EML5: variants seen among roughly 807,000 people sequenced by gnomAD.
EML5 encodes echinoderm microtubule-associated protein-like 5.
In EML5, 120 loss-of-function variants were observed where a neutral mutation model predicts 250.0. The ratio of observed to expected loss-of-function variants is 0.48; its 90% CI spans 0.41 to 0.56. EML5 has a LOEUF of 0.56. EML5 is among the 20% of genes least tolerant of loss of function. The probability of loss-of-function intolerance (pLI) is 0.00; values close to 1 mark genes in which losing one functional copy is unlikely to be tolerated. For missense variants in EML5, 2,006 were observed against 2,437.6 expected, an observed-to-expected ratio of 0.82 and a Z score of 3.73; for synonymous variants, 771 against 806.5, an observed-to-expected ratio of 0.96 and a Z score of 0.75.
chr14:88,783,887 C>T (rs2094523694), intron 1 of EML5, among the ~76,000 whole-genome samples: 1 of 152,190 alleles, frequency 6.6e-6, no homozygotes, highest in Non-Finnish European at 1.5e-5. Context: ...ATGGATTATT[C>T]TCAAGGATAG....
intron 21 of EML5, among the ~76,000 whole-genome samples, chr14:88,677,101 C>T (rs1156387540): frequency 6.6e-6 from 1 of 152,042 alleles, no homozygotes; most frequent in Non-Finnish European, 1.5e-5. Flanking sequence ...TACAGGGTCT[C>T]ACCATATTGG....
chr14:88,677,619 T>A (rs1344895052), intron 21 of EML5, among the ~76,000 whole-genome samples: 1 of 152,058 alleles, frequency 6.6e-6, no homozygotes, highest in Non-Finnish European at 1.5e-5. Context: ...AATAACCCCA[T>A]TAAAAGGTGG....
At position 88,646,888 on chromosome 14, in the gene EML5, T is replaced by G. The variant is rs971092435; in HGVS notation, c.4028+59A>C. On this transcript the variant is annotated intron_variant, in intron 29 of 43. Coordinates refer to ENST00000554922, the MANE Select transcript of EML5 (RefSeq NM_183387.3). ...GTAACAGTATCCCATTAATGCTAAA[T>G]ATGGAAGATGACAAAAATACAAAGT... 6 of 1,553,456 alleles carry G rather than the reference T, an allele frequency of 3.9e-6. No homozygotes were observed. The African/African-American group carries it at 6.8e-5, about 18-fold the overall frequency.
chr14:88,634,007 G>C (rs145938011), intron 33 of EML5, among the ~76,000 whole-genome samples: 1 of 152,264 alleles, frequency 6.6e-6, no homozygotes, highest in African/African-American at 2.4e-5. Flanking sequence ...TTTTTATAGA[G>C]TAACAAGATA....
In EML5 at chr14:88,784,276, A is replaced by G. The variant is rs546003110; in HGVS notation, c.197+8031T>C. ...AGAGCAAACCAAATCCAAAATTAGT[A>G]GAAAGAAATAAGATCAGGGCAGAAA... On this transcript the variant is annotated intron_variant, in intron 1 of 43. Coordinates refer to ENST00000554922, the MANE Select transcript of EML5 (RefSeq NM_183387.3). 2.1e-4 allele frequency among the ~76,000 whole-genome samples: 32 copies of G among 152,300 alleles called. No homozygotes were observed. In the South Asian group the frequency reaches 6.6e-3, roughly 32 times the overall value.
At chr14:88,642,662 G>A (rs2091130200) in intron 31 of EML5, among the ~76,000 whole-genome samples, 1 of 152,098 alleles carries the variant, frequency 6.6e-6, no homozygotes, top group African/African-American at 2.4e-5. Flanking sequence ...AGAGACTTAT[G>A]AGCACTTTGC....
At chr14:88,682,394 T>A (rs1173168165) in intron 20 of EML5, among the ~76,000 whole-genome samples, 1 of 147,918 alleles carries the variant, frequency 6.8e-6, no homozygotes, top group African/African-American at 2.6e-5. Context: ...CCAGTGAAAC[T>A]AGTAAAAATC....
chr14:88,748,892 A>T (rs2094048163), intron 2 of EML5, among the ~76,000 whole-genome samples: 1 of 152,046 alleles, frequency 6.6e-6, no homozygotes, highest in Non-Finnish European at 1.5e-5. Flanking sequence ...GTACAGAAAG[A>T]AAAAGAAAAA....
chr14:88,639,240 A>G (rs2140576564), intron 31 of EML5, among the ~76,000 whole-genome samples: 1 of 152,368 alleles, frequency 6.6e-6, no homozygotes, highest in Middle Eastern at 3.4e-3. Context: ...GATAGATTTT[A>G]CAAATGTAAA....
At chr14:88,771,239 C>T (rs1205918766) in intron 1 of EML5, among the ~76,000 whole-genome samples, 1 of 152,190 alleles carries the variant, frequency 6.6e-6, no homozygotes, top group Non-Finnish European at 1.5e-5. Context: ...AGCACAGTTC[C>T]CCCCTATCAA....
chr14:88,784,896 G>A (rs1468211549), intron 1 of EML5, among the ~76,000 whole-genome samples: 1 of 152,176 alleles, frequency 6.6e-6, no homozygotes, highest in Non-Finnish European at 1.5e-5. Flanking sequence ...ACACTCCAAT[G>A]TTTGTTGCAG....
intron 27 of EML5, among the ~76,000 whole-genome samples, chr14:88,652,505 ATC>A (rs1476263842): frequency 6.6e-5 from 10 of 152,244 alleles, no homozygotes; most frequent in African/African-American, 2.4e-4. Context: ...AGTCATTTCT[ATC>A]TCTCTGAGTT....
Position 88,616,839 on chromosome 14 carries a change from C to A in EML5, c.5683G>T (p.Ala1895Ser). The A allele has an allele frequency of 6.2e-7, 1 of 1,613,930 alleles. No individual in the cohort carries two copies. Among genetic ancestry groups the A allele is most frequent in the Non-Finnish European group, 8.5e-7 (1 of 1,179,850 alleles). ...GCACAGTTGACATCAGCTTTCTCAG[C>A]ATGTCTGGACCAGATTCCCAAAACC... ...DEVLGIWSRH[A>S]EKADVNCACV... Residue 1895 changes from alanine (A) to serine (S), a missense_variant, in exon 42 of 44, where the codon GCT (alanine) becomes TCT (serine). By Grantham distance (99) the Ala-to-Ser change is moderately conservative. Coordinates refer to ENST00000554922, the MANE Select transcript of EML5 (RefSeq NM_183387.3).
chr14:88,787,441 T>A (rs749999383), intron 1 of EML5, among the ~76,000 whole-genome samples: 7 of 152,150 alleles, frequency 4.6e-5, no homozygotes, highest in Non-Finnish European at 5.9e-5. Flanking sequence ...TTAATGTATA[T>A]CCAAAACATG....
At chr14:88,697,652 G>C (rs1294392276) in intron 14 of EML5, among the ~76,000 whole-genome samples, 1 of 152,144 alleles carries the variant, frequency 6.6e-6, no homozygotes, top group Non-Finnish European at 1.5e-5. Context: ...AGCATAAAGA[G>C]ATATAATATC....
At chr14:88,666,581 T>C (rs2092313354) in intron 21 of EML5, among the ~76,000 whole-genome samples, 1 of 152,200 alleles carries the variant, frequency 6.6e-6, no homozygotes, top group Admixed American at 6.5e-5. Context: ...GGTAGGAAGA[T>C]ACATCTGTAT....
intron 1 of EML5, among the ~76,000 whole-genome samples, chr14:88,781,900 C>G (rs12588535): frequency 0.23 from 35,389 of 152,078 alleles, 4,329 homozygotes; most frequent in East Asian, 0.38. Context: ...AGTGTCAGAA[C>G]GAACTAATTC....
chr14:88,715,647 T>C (rs1489664507), intron 8 of EML5, among the ~76,000 whole-genome samples: 1 of 152,038 alleles, frequency 6.6e-6, no homozygotes, highest in African/African-American at 2.4e-5. Flanking sequence ...TCATCTATAT[T>C]ACTTCAGTAA....
chr14:88,735,035 G>C (rs564176662), intron 7 of EML5, among the ~76,000 whole-genome samples: 1 of 152,112 alleles, frequency 6.6e-6, no homozygotes, highest in South Asian at 2.1e-4. Flanking sequence ...TGATGTTTGA[G>C]ATATCTTTTA....
Sources: allele counts gnomAD v4.1 joint callset (sites outside exome capture counted in the v4.1 genomes callset), GRCh38; gene constraint gnomAD v4.1.1; transcripts MANE v1.5; gene names NCBI Gene and HGNC (gene_info 2026-07-23, HGNC 2026-07-21).